LMBRD1: variants seen among roughly 807,000 people sequenced by gnomAD.
LMBRD1 encodes the protein LMBR1 domain containing 1.
A neutral mutation model predicts 74.8 loss-of-function variants in LMBRD1; 64 were observed. The observed-to-expected ratio is 0.86, with a 90% confidence interval of 0.70 to 1.05. The LOEUF is 1.05. LMBRD1 is among the 50% of genes least tolerant of loss of function. The pLI, the probability that LMBRD1 is intolerant of heterozygous loss-of-function variation, is 0.00. For missense variants in LMBRD1, 652 were observed against 645.9 expected, an observed-to-expected ratio of 1.01 and a Z score of -0.10; for synonymous variants, 204 against 216.3, an observed-to-expected ratio of 0.94 and a Z score of 0.50.
intron 7 of LMBRD1, among the ~76,000 whole-genome samples, chr6:69,728,644 TC>T (rs1766787773): frequency 6.6e-6 from 1 of 152,210 alleles, no homozygotes; most frequent in Non-Finnish European, 1.5e-5. Flanking sequence ...CAGTCTACTG[TC>T]AAACACAAGG....
At chr6:69,723,440 A>G (rs932682903) in intron 7 of LMBRD1, among the ~76,000 whole-genome samples, 4 of 152,166 alleles carry the variant, frequency 2.6e-5, no homozygotes, top group Non-Finnish European at 5.9e-5. Flanking sequence ...ATCTTAACAC[A>G]TTCACAAAAA....
At position 69,685,072 on chromosome 6, in the gene LMBRD1, G is replaced by A. The variant is rs140860831; in HGVS notation, c.1418-8531C>T. On this transcript the variant is annotated intron_variant, in intron 14 of 15. Transcript: ENST00000649934. ...GATATATGAAGACTATACATTGAGA[G>A]AGAATAAGGTAACGTTATAAAAAGT... Among the ~76,000 whole-genome samples, 724 of 152,206 alleles carry A rather than the reference G, an allele frequency of 4.8e-3. 8 individuals carry two copies. The highest frequency in any genetic ancestry group is 0.017 in the Middle Eastern group (5 of 294).
intron 3 of LMBRD1, among the ~76,000 whole-genome samples, chr6:69,753,916 G>C (rs1293122945): frequency 1.3e-5 from 2 of 151,862 alleles, no homozygotes; most frequent in South Asian, 4.2e-4. Context: ...ACTCCAGCCT[G>C]GGCGAGAGAG....
Position 69,708,461 on chromosome 6 carries a change from T to C in LMBRD1, c.915+5184A>G, listed in dbSNP as rs180888715. Among the ~76,000 whole-genome samples the C allele has an allele frequency of 2.6e-3, 390 of 152,306 alleles. 2 individuals are homozygous for C. Among genetic ancestry groups the C allele is most frequent in the African/African-American group, 8.9e-3 (368 of 41,560 alleles). ...CCCACAACAAAATAAAGTAAGTATA[T>C]AATTCCATTTTAAGAATGAGAAAAG... On this transcript the variant is annotated intron_variant, in intron 9 of 15. Transcript: ENST00000649934.
intron 2 of LMBRD1, among the ~76,000 whole-genome samples, 165 bp downstream of exon 2, chr6:69,790,131 T>C (rs1315042788): frequency 2.0e-5 from 3 of 152,262 alleles, no homozygotes; most frequent in Non-Finnish European, 1.5e-5. Flanking sequence ...CAGTTGTAAG[T>C]CTGCTTCTGG....
chr6:69,775,953 C>G (rs963272498), intron 3 of LMBRD1, among the ~76,000 whole-genome samples: 1 of 152,154 alleles, frequency 6.6e-6, no homozygotes, highest in Non-Finnish European at 1.5e-5. Flanking sequence ...AAAACTGAAG[C>G]TTTCAAGAGA....
At chr6:69,796,592 G>A (rs1026760846) in intron 1 of LMBRD1, among the ~76,000 whole-genome samples, 1 of 152,056 alleles carries the variant, frequency 6.6e-6, no homozygotes, top group Non-Finnish European at 1.5e-5. Flanking sequence ...TGCAACCCTA[G>A]ACGTCATCGG....
chr6:69,763,507 CA>C (rs1307378016), intron 3 of LMBRD1, among the ~76,000 whole-genome samples: 1 of 152,108 alleles, frequency 6.6e-6, no homozygotes, highest in East Asian at 1.9e-4. Context: ...GACCAGATCA[CA>C]AACTTGTTTG....
intron 7 of LMBRD1, among the ~76,000 whole-genome samples, chr6:69,720,869 C>T (rs1229752531): frequency 1.3e-5 from 2 of 152,190 alleles, no homozygotes; most frequent in Non-Finnish European, 2.9e-5. Context: ...AATGCCACCC[C>T]TCCGCCATCC....
chr6:69,722,371 A>T (rs1019641472), intron 7 of LMBRD1, among the ~76,000 whole-genome samples: 24 of 152,166 alleles, frequency 1.6e-4, no homozygotes, highest in African/African-American at 5.6e-4. Flanking sequence ...CTGGAACAGT[A>T]AGCACACAGA....
intron 2 of LMBRD1, among the ~76,000 whole-genome samples, chr6:69,785,394 C>T (rs1765924169): frequency 2.0e-5 from 3 of 152,206 alleles, no homozygotes; most frequent in Admixed American, 2.0e-4. Flanking sequence ...CTAAGCTCTT[C>T]ACAGAGCTTC....
intron 7 of LMBRD1, among the ~76,000 whole-genome samples, chr6:69,728,274 T>C (rs1405017632): frequency 1.3e-5 from 2 of 152,102 alleles, no homozygotes; most frequent in African/African-American, 4.8e-5. Flanking sequence ...CATTAGACAC[T>C]ACCCCGATGA....
rs1263117040 is a variant in LMBRD1 at position 69,756,184 on chromosome 6, G to A, written c.308-3828C>T. Among the ~76,000 whole-genome samples the A allele has an allele frequency of 9.3e-4, 141 of 151,952 alleles. 1 individual carries two copies. The highest frequency in any genetic ancestry group is 9.1e-3 in the Admixed American group (138 of 15,246). On this transcript the variant is annotated intron_variant, in intron 3 of 15. Coordinates refer to ENST00000649934, the MANE Select transcript of LMBRD1 (RefSeq NM_018368.4). ...CAGGCCAGCCTGGCCAACATAATGA[G>A]ATCCCGTCTCTACTAAAAATACAAA...
At chr6:69,711,813 T>C (rs533648791) in intron 9 of LMBRD1, among the ~76,000 whole-genome samples, 2 of 152,310 alleles carry the variant, frequency 1.3e-5, no homozygotes, top group East Asian at 3.9e-4. Flanking sequence ...CATCTTTGAA[T>C]GGTTCTTTGA....
intron 7 of LMBRD1, among the ~76,000 whole-genome samples, chr6:69,733,709 C>G (rs960851426): frequency 1.3e-5 from 2 of 152,094 alleles, no homozygotes; most frequent in East Asian, 3.9e-4. Context: ...TAGTGCTATT[C>G]GAATGATATT....
At chr6:69,782,189 G>A (rs1252735654) in intron 2 of LMBRD1, among the ~76,000 whole-genome samples, 1 of 152,178 alleles carries the variant, frequency 6.6e-6, no homozygotes, top group South Asian at 2.1e-4. Context: ...TACATAGATA[G>A]TTTATTCATT....
chr6:69,705,224 TATC>T lies in LMBRD1; in HGVS notation c.916-3274_916-3272del, dbSNP rs1183383095. ...CTGCATTATAAAAAGGACAGCCAGATATCAACTGCTACAGAAATGAAGTAAGAC... is the reference window on the plus strand; with the variant it reads ...CTGCATTATAAAAAGGACAGCCAGATAACTGCTACAGAAATGAAGTAAGAC... On this transcript the variant is annotated intron_variant, in intron 9 of 15. Transcript: ENST00000649934. The T allele has an allele frequency of 1.1e-5, 7 of 636,516 alleles. No individual in the cohort carries two copies. In the East Asian group the frequency reaches 1.7e-4, roughly 16 times the overall value. The allele number at this position is 636,516 out of a possible 1,614,324, so 39.4% of individuals were successfully genotyped here. A position where few individuals can be genotyped will look rare whatever the true frequency, so the allele number is the denominator to read the frequency against.
intron 5 of LMBRD1, among the ~76,000 whole-genome samples, chr6:69,742,192 A>G (rs916406692): frequency 6.6e-6 from 1 of 152,130 alleles, no homozygotes; most frequent in African/African-American, 2.4e-5. Flanking sequence ...CCACAGGTTT[A>G]AAACGATCAA....
intron 1 of LMBRD1, among the ~76,000 whole-genome samples, chr6:69,791,126 A>G (rs1766073642): frequency 6.6e-6 from 1 of 152,228 alleles, no homozygotes; most frequent in South Asian, 2.1e-4. Flanking sequence ...ATAGTTACCA[A>G]TGCCATTCTA....
Sources: gnomAD v4.1 joint callset for allele counts (sites outside exome capture counted in the v4.1 genomes callset) on GRCh38, gnomAD v4.1.1 for gene constraint, MANE v1.5 for transcripts, NCBI Gene and HGNC (gene_info 2026-07-23, HGNC 2026-07-21) for gene names.